CCDC7: variants seen among roughly 807,000 people sequenced by gnomAD.
CCDC7 encodes the protein coiled-coil domain-containing protein 7.
CCDC7 carries 183 observed loss-of-function variants against 196.9 expected under a neutral mutation model. The observed-to-expected ratio is 0.93, with a 90% confidence interval of 0.82 to 1.05. CCDC7 has a LOEUF of 1.05. CCDC7 is among the 50% of genes least tolerant of loss of function. CCDC7 has a pLI of 0.00. For synonymous variants in CCDC7, 525 were observed against 484.6 expected (o/e 1.08, Z -1.10); for missense variants, 1,540 against 1,482.2 (o/e 1.04, Z -0.64).
intron 20 of CCDC7, among the ~76,000 whole-genome samples, chr10:32,639,316 T>C (rs912555066): frequency 3.9e-5 from 6 of 152,204 alleles, no homozygotes; most frequent in African/African-American, 1.2e-4. Flanking sequence ...GTTCTTTTAA[T>C]TGTTATGTTA....
At position 32,729,475 on chromosome 10, in the gene CCDC7, A is replaced by AG; in HGVS notation, c.2905+18_2905+19insG. 1 of 1,085,020 alleles carries AG rather than the reference A, an allele frequency of 9.2e-7. No homozygotes were observed. The highest frequency in any genetic ancestry group is 1.3e-6 in the Non-Finnish European group (1 of 762,528). The allele number at this position is 1,085,020 out of a possible 1,614,324, so 67.2% of individuals were successfully genotyped here. ...AAGAAAAAGTAAGTAATTATTTATAAATCTTATAAATTGTTTTTATTAAAT... is the reference window on the plus strand; with the variant it reads ...AAGAAAAAGTAAGTAATTATTTATAAGATCTTATAAATTGTTTTTATTAAAT... On this transcript the variant is annotated intron_variant, in intron 28 of 41. Transcript: ENST00000639629.
At chr10:32,603,141 C>T (rs2061236008) in intron 18 of CCDC7, among the ~76,000 whole-genome samples, 1 of 150,946 alleles carries the variant, frequency 6.6e-6, no homozygotes, top group African/African-American at 2.4e-5. Flanking sequence ...TCATTGTACT[C>T]TATATCCCCA....
rs141201778 is a variant in CCDC7 at position 32,552,027 on chromosome 10, G to C, written c.1134+7726G>C. Reference sequence around the variant, plus strand: ...AGTCCTCCACTATTACTGTGTTGCTGTCTATCTCATGTCTTAGGTCTATTA... The same window carrying C: ...AGTCCTCCACTATTACTGTGTTGCTCTCTATCTCATGTCTTAGGTCTATTA... On this transcript the variant is annotated intron_variant, in intron 13 of 41. Transcript: ENST00000639629. Among the ~76,000 whole-genome samples the C allele has an allele frequency of 2.2e-3, 335 of 152,246 alleles. 1 individual carries two copies. Among genetic ancestry groups the C allele is most frequent in the Non-Finnish European group, 3.9e-3 (263 of 67,992 alleles).
intron 25 of CCDC7, among the ~76,000 whole-genome samples, chr10:32,724,566 G>T (rs1219525419): frequency 6.6e-6 from 1 of 152,006 alleles, no homozygotes; most frequent in African/African-American, 2.4e-5. Context: ...AAAATGGGGG[G>T]ATCATTTCAC....
chr10:32,797,574 C>A (rs1346870012), intron 29 of CCDC7, among the ~76,000 whole-genome samples: 1 of 145,110 alleles, frequency 6.9e-6, no homozygotes, highest in Admixed American at 6.9e-5. Flanking sequence ...GTATACTGCT[C>A]GTCTGATGGG....
intron 41 of CCDC7, among the ~76,000 whole-genome samples, chr10:32,864,003 A>T (rs1426388734): frequency 6.7e-6 from 1 of 148,698 alleles, no homozygotes; most frequent in Admixed American, 6.8e-5. Context: ...AAAAAAAAAA[A>T]TTTGCAAACC....
chr10:32,468,373 C>T (rs554102852), intron 5 of CCDC7, among the ~76,000 whole-genome samples: 28 of 152,254 alleles, frequency 1.8e-4, no homozygotes, highest in Non-Finnish European at 3.5e-4. Context: ...CCTGATTTGG[C>T]TCTTGGCTCG....
At chr10:32,522,435 A>T (rs2048014275) in intron 11 of CCDC7, among the ~76,000 whole-genome samples, 1 of 151,748 alleles carries the variant, frequency 6.6e-6, no homozygotes, top group African/African-American at 2.4e-5. Context: ...TTTCTTTTAG[A>T]TTTTTCAATT....
At chr10:32,578,383 T>TTTA (rs973965395) in intron 16 of CCDC7, among the ~76,000 whole-genome samples, 3 of 151,466 alleles carry the variant, frequency 2.0e-5, no homozygotes, top group African/African-American at 4.9e-5. Context: ...TATTGTACAC[T>TTTA]TTATTATTAT....
chr10:32,824,181 C>G (rs1422246139), intron 31 of CCDC7, among the ~76,000 whole-genome samples: 2 of 151,896 alleles, frequency 1.3e-5, no homozygotes, highest in African/African-American at 4.8e-5. Flanking sequence ...CACAAACTAT[C>G]TAGTGTGATT....
intron 8 of CCDC7, among the ~76,000 whole-genome samples, chr10:32,488,024 A>T (rs1196633237): frequency 1.3e-5 from 2 of 152,214 alleles, no homozygotes; most frequent in Admixed American, 6.5e-5. Flanking sequence ...TCAGACAGGG[A>T]CATTTAAGTC....
At position 32,652,648 on chromosome 10, in the gene CCDC7, G is replaced by A. The variant is rs529306410; in HGVS notation, c.2015-11406G>A. Among the ~76,000 whole-genome samples, 13 of 152,158 alleles carry A rather than the reference G, an allele frequency of 8.5e-5. No individual in the cohort carries two copies. In the East Asian group the frequency reaches 2.1e-3, roughly 25 times the overall value. Reference sequence around the variant, plus strand: ...ACTAATTATTTTAACCTGATGACAAGTTAACATTGGTCACAAAGAAAAGAG... The same window carrying A: ...ACTAATTATTTTAACCTGATGACAAATTAACATTGGTCACAAAGAAAAGAG... On this transcript the variant is annotated intron_variant, in intron 20 of 41. Transcript: ENST00000639629.
chr10:32,515,998 C>T (rs1198273581), intron 9 of CCDC7, among the ~76,000 whole-genome samples: 1 of 151,276 alleles, frequency 6.6e-6, no homozygotes, highest in African/African-American at 2.4e-5. Context: ...GTACAATCAA[C>T]AAAAGAAAAA....
Position 32,584,206 on chromosome 10 carries a change from T to G in CCDC7, c.1729-26T>G, listed in dbSNP as rs1590170441. 4 of 1,357,782 alleles carry G rather than the reference T, an allele frequency of 2.9e-6. No individual in the cohort carries two copies. The East Asian group carries it at 7.0e-5, about 24-fold the overall frequency. 84.1% of individuals were successfully genotyped at this position (1,357,782 alleles called of 1,614,324 possible). On this transcript the variant is annotated intron_variant, in intron 17 of 41. Transcript: ENST00000639629. Reference sequence around the variant, plus strand: ...TATATATATGTATATAATTTCTAATTACTTATTACAACTTTTGTTATTAAG... The same window carrying G: ...TATATATATGTATATAATTTCTAATGACTTATTACAACTTTTGTTATTAAG...
At chr10:32,792,437 G>A (rs1028497965) in intron 29 of CCDC7, among the ~76,000 whole-genome samples, 1 of 152,146 alleles carries the variant, frequency 6.6e-6, no homozygotes, top group African/African-American at 2.4e-5. Flanking sequence ...ATAAATGGGG[G>A]AAGATACAAA....
chr10:32,722,010 C>T (rs1255738970), intron 25 of CCDC7, among the ~76,000 whole-genome samples: 1 of 152,054 alleles, frequency 6.6e-6, no homozygotes, highest in Non-Finnish European at 1.5e-5. Flanking sequence ...TCTGTGTGTA[C>T]CCAAGGCCAG....
intron 24 of CCDC7, among the ~76,000 whole-genome samples, chr10:32,700,430 C>T (rs1314825382): frequency 6.6e-6 from 1 of 150,622 alleles, no homozygotes; most frequent in Non-Finnish European, 1.5e-5. Flanking sequence ...GTTTTGGTAC[C>T]AGTACTATGC....
At chr10:32,600,974 G>A (rs1262105608) in intron 18 of CCDC7, among the ~76,000 whole-genome samples, 6 of 152,056 alleles carry the variant, frequency 3.9e-5, no homozygotes, top group Non-Finnish European at 7.4e-5. Context: ...GGACAGCTTT[G>A]CCAGGTATAG....
chr10:32,494,509 T>G (rs2042615282), intron 9 of CCDC7, among the ~76,000 whole-genome samples: 2 of 152,154 alleles, frequency 1.3e-5, no homozygotes, highest in Admixed American at 6.5e-5. Flanking sequence ...ACCTGTCATC[T>G]ACATTAGGTA....
Sources: allele counts gnomAD v4.1 joint callset (sites outside exome capture counted in the v4.1 genomes callset), GRCh38; gene constraint gnomAD v4.1.1; transcripts MANE v1.5; gene names NCBI Gene and HGNC (gene_info 2026-07-23, HGNC 2026-07-21).